Variants in LRP1B observed in about 807,000 individuals in gnomAD.
The protein encoded by LRP1B is LDL receptor related protein 1B.
In LRP1B, 217 loss-of-function variants were observed where a neutral mutation model predicts 556.6. The ratio of observed to expected loss-of-function variants is 0.39; its 90% CI spans 0.35 to 0.44. The LOEUF (loss-of-function observed/expected upper bound fraction) is 0.44. LRP1B is among the 20% of genes least tolerant of loss of function. The probability of loss-of-function intolerance (pLI) is 1.00; values close to 1 mark genes in which losing one functional copy is unlikely to be tolerated. For missense variants in LRP1B, 5,053 were observed against 5,620.8 expected (o/e 0.90, Z 3.23); for synonymous variants, 2,047 against 1,865.8 (o/e 1.10, Z -2.50).
chr2:141,023,171 AATT>A, intron 11 of LRP1B, among the ~76,000 whole-genome samples: 1 of 151,942 alleles, frequency 6.6e-6, no homozygotes, highest in East Asian at 1.9e-4. Flanking sequence ...ATTTTTCTCA[AATT>A]ATTATAATTT....
At chr2:141,832,006 G>A (rs919778492) in intron 1 of LRP1B, among the ~76,000 whole-genome samples, 1 of 151,442 alleles carries the variant, frequency 6.6e-6, no homozygotes, top group African/African-American at 2.4e-5. Context: ...AATAGTACTG[G>A]AGCCTTGACC....
chr2:140,536,433 G>T (rs2105002246), intron 46 of LRP1B, 148 bp downstream of exon 46: 1 of 558,986 alleles, frequency 1.8e-6, no homozygotes, highest in Non-Finnish European at 2.9e-6. Flanking sequence ...TTTAACACAA[G>T]CAAAGCCACA....
intron 3 of LRP1B, among the ~76,000 whole-genome samples, chr2:141,257,329 C>T (rs1684509872): frequency 6.6e-6 from 1 of 152,100 alleles, no homozygotes; most frequent in South Asian, 2.1e-4. Flanking sequence ...GTAGTCTCTA[C>T]CTTAATGCAG....
chr2:140,394,549 CT>C (rs937171197), intron 66 of LRP1B, among the ~76,000 whole-genome samples: 1 of 152,084 alleles, frequency 6.6e-6, no homozygotes, highest in Non-Finnish European at 1.5e-5. Context: ...GGAAGAAGCC[CT>C]TCCATGTTGA....
chr2:141,154,014 T>A (rs1039027008), intron 7 of LRP1B, among the ~76,000 whole-genome samples: 1 of 151,828 alleles, frequency 6.6e-6, no homozygotes, highest in Admixed American at 6.6e-5. Flanking sequence ...TACAATTATG[T>A]TGCAGAGACA....
intron 37 of LRP1B, 69 bp downstream of exon 37, chr2:140,715,904 A>T (rs2105460823): frequency 8.0e-7 from 1 of 1,257,216 alleles, no homozygotes; most frequent in Non-Finnish European, 1.1e-6. Context: ...AAAAGTAATT[A>T]GTTTTTTTTC....
chr2:141,802,775 C>T (rs1054794322), intron 2 of LRP1B, among the ~76,000 whole-genome samples: 5 of 151,996 alleles, frequency 3.3e-5, no homozygotes, highest in Admixed American at 2.0e-4. Flanking sequence ...AAGCGTCCTC[C>T]GGGAAGAAAT....
At chr2:140,875,179 G>A (rs1693266995) in intron 25 of LRP1B, among the ~76,000 whole-genome samples, 2 of 152,104 alleles carry the variant, frequency 1.3e-5, no homozygotes, top group South Asian at 2.1e-4. Flanking sequence ...CAAAGCCCAG[G>A]AACTATCACA....
intron 18 of LRP1B, among the ~76,000 whole-genome samples, chr2:140,969,691 C>T (rs1299147260): frequency 1.3e-5 from 2 of 152,148 alleles, no homozygotes; most frequent in Non-Finnish European, 2.9e-5. Flanking sequence ...TTTAGTGCTT[C>T]CTTCAGGAGC....
intron 41 of LRP1B, among the ~76,000 whole-genome samples, chr2:140,645,596 G>A (rs191050808): frequency 0.019 from 2,508 of 131,014 alleles, 42 homozygotes; most frequent in Admixed American, 0.057. Flanking sequence ...CTGGAGTGCA[G>A]TGACACGATC....
At chr2:140,449,158 A>G (rs1296990169) in intron 63 of LRP1B, among the ~76,000 whole-genome samples, 2 of 152,148 alleles carry the variant, frequency 1.3e-5, no homozygotes, top group African/African-American at 2.4e-5. Context: ...ATTTTCTCAG[A>G]GAACAGTCAA....
In LRP1B at chr2:141,344,736, G is replaced by A. The variant is rs138377467; in HGVS notation, c.344-90095C>T. Among the ~76,000 whole-genome samples the A allele has an allele frequency of 4.6e-3, 700 of 152,220 alleles. 7 individuals carry two copies. The highest frequency in any genetic ancestry group is 0.015 in the African/African-American group (633 of 41,520). On this transcript the variant is annotated intron_variant, in intron 3 of 90. Transcript: ENST00000389484. ...CCACTGTATTCATAGTGTCTTCAATGTGACACATTATATAGATATTTATGA... is the reference window on the plus strand; with the variant it reads ...CCACTGTATTCATAGTGTCTTCAATATGACACATTATATAGATATTTATGA...
chr2:140,769,483 T>G, intron 34 of LRP1B, 139 bp from the exon 35 acceptor site: 1 of 827,422 alleles, frequency 1.2e-6, no homozygotes, highest in Non-Finnish European at 1.8e-6. Flanking sequence ...AAAAAAATTA[T>G]TGTGTACTAC....
chr2:140,818,569 A>G (rs553348414), intron 31 of LRP1B, among the ~76,000 whole-genome samples: 21 of 152,180 alleles, frequency 1.4e-4, no homozygotes, highest in Non-Finnish European at 2.4e-4. Context: ...TACATGGAGA[A>G]GGATTCACTA....
chr2:140,755,221 A>G (rs1414860760), intron 35 of LRP1B, among the ~76,000 whole-genome samples: 1 of 152,104 alleles, frequency 6.6e-6, no homozygotes, highest in Non-Finnish European at 1.5e-5. Context: ...ACTTTACTTG[A>G]TATTTCTAGC....
chr2:141,426,675 T>C (rs926955100), intron 3 of LRP1B, among the ~76,000 whole-genome samples: 3 of 152,234 alleles, frequency 2.0e-5, no homozygotes, highest in Non-Finnish European at 4.4e-5. Context: ...CACTGTAACA[T>C]TTCATTTCAA....
intron 86 of LRP1B, among the ~76,000 whole-genome samples, chr2:140,252,072 A>AAAAAAAAAAAAAAAAAAAAAC (rs1681451603): frequency 1.7e-5 from 2 of 120,412 alleles, no homozygotes; most frequent in Non-Finnish European, 1.8e-5. Flanking sequence ...CAAAAAAAAA[A>AAAAAAAAAAAAAAAAAAAAAC]AAAAAAAAAA....
chr2:141,946,115 C>T (rs1015710733), intron 1 of LRP1B, among the ~76,000 whole-genome samples: 2 of 152,034 alleles, frequency 1.3e-5, no homozygotes, highest in Non-Finnish European at 2.9e-5. Context: ...AAAACTGCCC[C>T]ACAGCCTAGT....
intron 1 of LRP1B, among the ~76,000 whole-genome samples, chr2:141,862,320 C>G (rs145541366): frequency 0.011 from 1,661 of 151,710 alleles, 14 homozygotes; most frequent in Non-Finnish European, 0.02. Flanking sequence ...TACATTAACT[C>G]TACCACTGTG....
Sources: allele counts gnomAD v4.1 joint callset (sites outside exome capture counted in the v4.1 genomes callset), GRCh38; gene constraint gnomAD v4.1.1; transcripts MANE v1.5; gene names NCBI Gene and HGNC (gene_info 2026-07-23, HGNC 2026-07-21).